VPS26A: variants seen among roughly 807,000 people sequenced by gnomAD.
VPS26A encodes the protein VPS26 retromer complex component A.
Under a neutral mutation model 42.4 loss-of-function variants are expected in VPS26A, and 22 were observed. The ratio of observed to expected loss-of-function variants is 0.52; its 90% CI spans 0.37 to 0.74. The LOEUF is 0.74. VPS26A is among the 30% of genes least tolerant of loss of function. The pLI is 0.00. For synonymous variants in VPS26A, 110 were observed against 123.5 expected, an observed-to-expected ratio of 0.89 and a Z score of 0.73; for missense variants, 276 against 379.2, an observed-to-expected ratio of 0.73 and a Z score of 2.26.
chr10:69,126,451 C>T (rs1014044320), intron 1 of VPS26A, among the ~76,000 whole-genome samples: 2 of 151,942 alleles, frequency 1.3e-5, no homozygotes, highest in Non-Finnish European at 2.9e-5. Flanking sequence ...CCTGTAATCC[C>T]AGCTACTCAG....
chr10:69,151,283 A>AAAAAAC (rs59929053), intron 2 of VPS26A, among the ~76,000 whole-genome samples: 1 of 122,126 alleles, frequency 8.2e-6, no homozygotes, highest in African/African-American at 3.5e-5. Flanking sequence ...AAAAAAAAAA[A>AAAAAAC]CACACACACA....
intron 2 of VPS26A, among the ~76,000 whole-genome samples, chr10:69,140,577 G>T (rs1040322022): frequency 1.3e-4 from 19 of 151,746 alleles, no homozygotes; most frequent in African/African-American, 4.6e-4. Context: ...TAGATACGGG[G>T]TTTCACCGTG....
chr10:69,129,543 G>GAA (rs898411408), intron 1 of VPS26A, among the ~76,000 whole-genome samples: 1 of 149,628 alleles, frequency 6.7e-6, no homozygotes, highest in Non-Finnish European at 1.5e-5. Flanking sequence ...GTGTCAAAAA[G>GAA]AAAAAAAAAT....
intron 2 of VPS26A, among the ~76,000 whole-genome samples, chr10:69,154,708 T>A (rs543181844): frequency 2.4e-4 from 36 of 151,762 alleles, no homozygotes; most frequent in Middle Eastern, 6.8e-3. Context: ...ACAAAAAAAA[T>A]TTTTTTAATT....
At chr10:69,167,601 G>A (rs1841718513) in intron 7 of VPS26A, among the ~76,000 whole-genome samples, 3 of 151,736 alleles carry the variant, frequency 2.0e-5, no homozygotes, top group Non-Finnish European at 4.4e-5. Context: ...AAATTTGCAG[G>A]GCATGGTGGC....
intron 7 of VPS26A, among the ~76,000 whole-genome samples, chr10:69,167,474 G>T (rs1267556009): frequency 6.6e-6 from 1 of 151,292 alleles, no homozygotes; most frequent in Admixed American, 6.6e-5. Context: ...GGTGGCTCAC[G>T]CCTGTAATCC....
chr10:69,156,978 T>C (rs1202716729), intron 3 of VPS26A, 29 bp from the exon 4 acceptor site: 55 of 1,553,468 alleles, frequency 3.5e-5, no homozygotes, highest in Non-Finnish European at 4.4e-5. Context: ...ATTAAATAAT[T>C]GGTCTTTTTG....
At position 69,169,296 on chromosome 10, in the gene VPS26A, C is replaced by T. The variant is rs926946111; in HGVS notation, c.870+665C>T. ...TTTATTTTTTAAGATGGGGATCTTC[C>T]AAGCAATCCTCCAGTCACAGCCTCT... On this transcript the variant is annotated intron_variant, in intron 8 of 8. Coordinates refer to ENST00000263559, the MANE Select transcript of VPS26A (RefSeq NM_004896.5). Among the ~76,000 whole-genome samples, 99 of 151,754 alleles carry T rather than the reference C, an allele frequency of 6.5e-4. 3 individuals are homozygous for T.
chr10:69,146,589 C>T (rs1340274793), intron 2 of VPS26A, among the ~76,000 whole-genome samples: 11 of 152,130 alleles, frequency 7.2e-5, no homozygotes, highest in Non-Finnish European at 1.2e-4. Context: ...ATCTTCCAGC[C>T]CCTGGTAACC....
At chr10:69,152,209 C>CAGT (rs951081374) in intron 2 of VPS26A, among the ~76,000 whole-genome samples, 1 of 151,832 alleles carries the variant, frequency 6.6e-6, no homozygotes, top group African/African-American at 2.4e-5. Flanking sequence ...ACCCTGTCTA[C>CAGT]AAAAAACAAA....
chr10:69,171,569 A>C lies in VPS26A; in HGVS notation c.*300A>C, dbSNP rs1777530993. On this transcript the variant is annotated 3_prime_UTR_variant, in exon 9 of 9. Coordinates refer to ENST00000263559, the MANE Select transcript of VPS26A (RefSeq NM_004896.5). Reference sequence around the variant, plus strand: ...GATATATATCAGCGTAAACATGAAAAATTTTCATGTGAGTAGGCTGGTATT... The same window carrying C: ...GATATATATCAGCGTAAACATGAAACATTTTCATGTGAGTAGGCTGGTATT... 1 of 198,712 alleles carries C rather than the reference A, an allele frequency of 5.0e-6. No homozygotes were observed. Among genetic ancestry groups the C allele is most frequent in the Admixed American group, 6.1e-5 (1 of 16,304 alleles). 12.3% of individuals were successfully genotyped at this position (198,712 alleles called of 1,614,324 possible).
chr10:69,151,146 T>TC (rs1184448095), intron 2 of VPS26A, among the ~76,000 whole-genome samples: 1 of 151,232 alleles, frequency 6.6e-6, no homozygotes, highest in Non-Finnish European at 1.5e-5. Context: ...GCACTTGTAG[T>TC]CCCAGCTACT....
Position 69,171,424 on chromosome 10 carries a change from A to G in VPS26A, c.*155A>G. 1.8e-6 allele frequency: 1 copy of G among 567,726 alleles called. No homozygotes were observed. The highest frequency in any genetic ancestry group is 3.3e-5 in the East Asian group (1 of 30,652). 35.2% of individuals were successfully genotyped at this position (567,726 alleles called of 1,614,324 possible). A position where few individuals can be genotyped will look rare whatever the true frequency, so the allele number is the denominator to read the frequency against. On this transcript the variant is annotated 3_prime_UTR_variant, in exon 9 of 9. Transcript: ENST00000263559. ...TATCTTACAGCGCAGCATTTATTTTATGATATAATGAAATGTTCGTTCATG... is the reference window on the plus strand; with the variant it reads ...TATCTTACAGCGCAGCATTTATTTTGTGATATAATGAAATGTTCGTTCATG...
chr10:69,155,034 T>C (rs1841402852), intron 2 of VPS26A, among the ~76,000 whole-genome samples: 1 of 151,978 alleles, frequency 6.6e-6, no homozygotes, highest in Non-Finnish European at 1.5e-5. Flanking sequence ...CCTGTACTTC[T>C]AGCACTTTGG....
intron 6 of VPS26A, among the ~76,000 whole-genome samples, chr10:69,163,990 A>C (rs1238748225): frequency 6.6e-6 from 1 of 151,306 alleles, no homozygotes; most frequent in Admixed American, 6.6e-5. Flanking sequence ...GATGGTCTCG[A>C]TCTCCTGACC....
intron 2 of VPS26A, 101 bp from the exon 3 acceptor site, chr10:69,155,711 A>T (rs1841418251): frequency 4.6e-6 from 4 of 867,534 alleles, no homozygotes; most frequent in East Asian, 2.7e-5. Flanking sequence ...TTCATAAATG[A>T]ATACCTGAAA....
chr10:69,154,987 AAGT>A (rs534106970), intron 2 of VPS26A, among the ~76,000 whole-genome samples: 8 of 151,970 alleles, frequency 5.3e-5, no homozygotes, highest in Non-Finnish European at 1.0e-4. Flanking sequence ...TTTACTCCAA[AAGT>A]ATGTAAGATA....
At chr10:69,147,336 A>G (rs574037705) in intron 2 of VPS26A, among the ~76,000 whole-genome samples, 4 of 151,632 alleles carry the variant, frequency 2.6e-5, no homozygotes, top group Admixed American at 1.3e-4. Context: ...TGTTTTGCAA[A>G]TATTTTCTCC....
At chr10:69,157,940 G>C in intron 4 of VPS26A, 107 bp from the exon 5 acceptor site, 1 of 993,346 alleles carries the variant, frequency 1.0e-6, no homozygotes, top group Non-Finnish European at 1.4e-6. Context: ...TCCCAAAGGA[G>C]TTCCAGCAAG....
Sources: gnomAD v4.1 joint callset for allele counts (sites outside exome capture counted in the v4.1 genomes callset) on GRCh38, gnomAD v4.1.1 for gene constraint, MANE v1.5 for transcripts, NCBI Gene and HGNC (gene_info 2026-07-23, HGNC 2026-07-21) for gene names.